The following NSRP1 variants were observed in gnomAD, a reference collection of about 807,000 sequenced individuals.
The protein encoded by NSRP1 is coiled-coil domain containing 55.
In NSRP1, 24 loss-of-function variants were observed where a neutral mutation model predicts 54.7. The ratio of observed to expected loss-of-function variants is 0.44; its 90% CI spans 0.32 to 0.62. The LOEUF (loss-of-function observed/expected upper bound fraction) is 0.62. Ranked by LOEUF, NSRP1 falls within the 20% of genes least tolerant of loss-of-function variation. The pLI is 0.06. For synonymous variants in NSRP1, 210 were observed against 213.8 expected, an observed-to-expected ratio of 0.98 and a Z score of 0.15; for missense variants, 596 against 651.2, an observed-to-expected ratio of 0.92 and a Z score of 0.92.
At chr17:30,117,984 T>G (rs1597589199) in intron 1 of NSRP1, 96 bp from the exon 2 acceptor site, 3 of 970,350 alleles carry the variant, frequency 3.1e-6, no homozygotes, top group East Asian at 4.8e-5. Flanking sequence ...TATGACATGT[T>G]TTGATTTGGT....
At chr17:30,159,351 GT>G (rs577028666) in intron 2 of NSRP1, among the ~76,000 whole-genome samples, 2 of 151,810 alleles carry the variant, frequency 1.3e-5, no homozygotes, top group African/African-American at 4.8e-5. Context: ...GTTTTAAGAG[GT>G]TTTTTTTGTG....
At position 30,171,970 on chromosome 17, in the gene NSRP1, A is replaced by T. The variant is rs1042154875; in HGVS notation, c.115-572A>T. Among the ~76,000 whole-genome samples the T allele has an allele frequency of 7.6e-3, 747 of 98,804 alleles. 2 individuals carry two copies. The highest frequency in any genetic ancestry group is 0.012 in the East Asian group (37 of 3,026). 64.8% of individuals were successfully genotyped at this position (98,804 alleles called of 152,430 possible). On this transcript the variant is annotated intron_variant, in intron 2 of 6. Coordinates refer to ENST00000247026, the MANE Select transcript of NSRP1 (RefSeq NM_032141.4). Reference sequence around the variant, plus strand: ...CACACACACACACACACACACACACACACTCCCTCTCTCTCTCTCTCTCTC... The same window carrying T: ...CACACACACACACACACACACACACTCACTCCCTCTCTCTCTCTCTCTCTC...
At position 30,185,080 on chromosome 17, in the gene NSRP1, G is replaced by A. The variant is rs775870138; in HGVS notation, c.1083G>A (p.Gln361=). The A allele has an allele frequency of 1.2e-6, 2 of 1,613,994 alleles. No individual in the cohort carries two copies. Among genetic ancestry groups the A allele is most frequent in the Admixed American group, 3.3e-5 (2 of 59,956 alleles). Residue 361 remains glutamine (Q), a synonymous_variant, in exon 7 of 7, where the codon CAG becomes CAA. Transcript: ENST00000247026. ...ATTCCCATTGGAAGAGGCATGAACA[G>A]GAAGATAAACCAAGGGCGAGGGACC... ...HRDSHWKRHE[Q]EDKPRARDQR... is the part of the protein sequence containing the mutation.
rs749983497 is a variant in NSRP1, at chr17:30,172,587, G to A, written c.160G>A (p.Ala54Thr). 1.2e-6 allele frequency: 2 copies of A among 1,610,744 alleles called. No individual in the cohort carries two copies. Among genetic ancestry groups the A allele is most frequent in the East Asian group, 4.5e-5 (2 of 44,746 alleles). Residue 54 changes from alanine (A) to threonine (T), a missense_variant, in exon 3 of 7, where the codon GCC becomes ACC. Transcript: ENST00000247026. ...SLQREAAKKQ[A>T]MKQTKLEIQK... is the part of the protein sequence containing the mutation. Reference sequence around the variant, plus strand: ...TCAGAGGGAAGCTGCTAAGAAGCAGGCCATGAAACAGGTAAGGTAGAAGAC... The same window carrying A: ...TCAGAGGGAAGCTGCTAAGAAGCAGACCATGAAACAGGTAAGGTAGAAGAC...
intron 2 of NSRP1, among the ~76,000 whole-genome samples, chr17:30,137,388 T>G (rs1479003437): frequency 6.6e-6 from 1 of 152,206 alleles, no homozygotes; most frequent in Non-Finnish European, 1.5e-5. Flanking sequence ...CTTTAGCCAG[T>G]GGAAGTGATG....
chr17:30,124,412 T>C (rs1283109130), intron 2 of NSRP1, among the ~76,000 whole-genome samples: 1 of 152,270 alleles, frequency 6.6e-6, no homozygotes, highest in Non-Finnish European at 1.5e-5. Flanking sequence ...AGCCAGTGGG[T>C]ACACTAGAGT....
At chr17:30,175,288 A>G (rs1311864016) in intron 3 of NSRP1, among the ~76,000 whole-genome samples, 1 of 152,140 alleles carries the variant, frequency 6.6e-6, no homozygotes, top group Non-Finnish European at 1.5e-5. Flanking sequence ...GATTTGCATT[A>G]TGATTTCTTG....
chr17:30,132,494 C>T (rs2071709946), intron 2 of NSRP1, among the ~76,000 whole-genome samples: 1 of 151,986 alleles, frequency 6.6e-6, no homozygotes, highest in African/African-American at 2.4e-5. Context: ...GTGGAGGTTG[C>T]AGTGAGCCAA....
intron 2 of NSRP1, among the ~76,000 whole-genome samples, chr17:30,135,857 C>T (rs1287422403): frequency 6.6e-6 from 1 of 152,044 alleles, no homozygotes; most frequent in Non-Finnish European, 1.5e-5. Context: ...TCTAAACATG[C>T]ATATAGATGA....
intron 2 of NSRP1, among the ~76,000 whole-genome samples, chr17:30,158,819 C>T (rs901681762): frequency 1.3e-5 from 2 of 151,986 alleles, no homozygotes; most frequent in Non-Finnish European, 2.9e-5. Context: ...CCATTTTGGT[C>T]TATGTGTCTG....
chr17:30,155,085 T>G (rs1363567095), intron 2 of NSRP1, among the ~76,000 whole-genome samples: 1 of 152,178 alleles, frequency 6.6e-6, no homozygotes, highest in African/African-American at 2.4e-5. Context: ...GTAATGTTAA[T>G]TAAGATTTAC....
At chr17:30,183,149 G>T (rs953467171) in intron 6 of NSRP1, among the ~76,000 whole-genome samples, 1 of 151,634 alleles carries the variant, frequency 6.6e-6, no homozygotes, top group Non-Finnish European at 1.5e-5. Context: ...AAAGTTATAA[G>T]GTATTATAGG....
chr17:30,178,521 C>T (rs2143009885), intron 4 of NSRP1, among the ~76,000 whole-genome samples: 1 of 151,972 alleles, frequency 6.6e-6, no homozygotes, highest in Middle Eastern at 3.4e-3. Flanking sequence ...GTTTTATTAC[C>T]CTCTCATTTT....
intron 2 of NSRP1, among the ~76,000 whole-genome samples, chr17:30,130,305 C>T (rs959689538): frequency 2.0e-5 from 3 of 152,008 alleles, no homozygotes; most frequent in Admixed American, 1.3e-4. Flanking sequence ...CACTATGTTG[C>T]CCAGGCTGTT....
intron 2 of NSRP1, chr17:30,122,349 T>TGTGTGTATATATATATATATATATA (rs1481107161): frequency 4.1e-5 from 3 of 72,306 alleles, no homozygotes; most frequent in African/African-American, 1.7e-4. Context: ...ATAACTCTGG[T>TGTGTGTATATATATATATATATATA]TTCATATATA....
At chr17:30,167,897 A>G (rs1220794968) in intron 2 of NSRP1, among the ~76,000 whole-genome samples, 1 of 152,182 alleles carries the variant, frequency 6.6e-6, no homozygotes, top group Non-Finnish European at 1.5e-5. Context: ...CAGTACATGT[A>G]CAGTTATAAT....
In NSRP1 at chr17:30,184,640, A is replaced by T; in HGVS notation, c.643A>T (p.Arg215Trp). 4 of 1,567,860 alleles carry T rather than the reference A, an allele frequency of 2.6e-6. No individual in the cohort carries two copies. The highest frequency in any genetic ancestry group is 3.5e-6 in the Non-Finnish European group (4 of 1,159,238). ...ATCTGGTATAAAGGAAGAAAAATCA[A>T]GGGGCTTCTCCAATGAAGTAAGTTC... ...ARSGIKEEKS[R>W]GFSNEVSSKN... The change falls in exon 7 of 7, where the codon AGG becomes TGG. Residue 215 changes from arginine (R) to tryptophan (W), a missense_variant. By Grantham distance (101) the Arg-to-Trp change is moderately radical. Transcript: ENST00000247026.
At chr17:30,125,500 G>T (rs562928724) in intron 2 of NSRP1, among the ~76,000 whole-genome samples, 1 of 152,194 alleles carries the variant, frequency 6.6e-6, no homozygotes. Context: ...TCCAGGGTTA[G>T]TTTAGTGGGA....
chr17:30,175,659 C>A (rs1192054238), intron 3 of NSRP1, among the ~76,000 whole-genome samples: 4 of 152,014 alleles, frequency 2.6e-5, no homozygotes, highest in Non-Finnish European at 5.9e-5. Flanking sequence ...CCCGTCTTCG[C>A]CCCCCAAAGT....
Sources: allele counts gnomAD v4.1 joint callset (sites outside exome capture counted in the v4.1 genomes callset), GRCh38; gene constraint gnomAD v4.1.1; transcripts MANE v1.5; gene names NCBI Gene and HGNC (gene_info 2026-07-23, HGNC 2026-07-21).